Variants in DNHD1 observed in about 807,000 individuals in gnomAD.
DNHD1 encodes the protein dynein heavy chain domain-containing protein 1.
In DNHD1, 383 loss-of-function variants were observed where a neutral mutation model predicts 458.1. The observed-to-expected ratio is 0.84, with a 90% CI of 0.77 to 0.91. The LOEUF is 0.91. DNHD1 is among the 40% of genes least tolerant of loss of function. DNHD1 has a pLI of 0.00. For missense variants in DNHD1, 5,336 were observed against 5,866.1 expected (o/e 0.91, Z 2.95); for synonymous variants, 2,203 against 2,376.9 (o/e 0.93, Z 2.13).
chr11:6,566,387 GA>G lies in DNHD1; in HGVS notation c.11205del (p.Val3736CysfsTer2), dbSNP rs1326603861. 3.2e-6 allele frequency: 5 copies of G among 1,559,054 alleles called. No individual in the cohort carries two copies. The highest frequency in any genetic ancestry group is 1.2e-5 in the South Asian group (1 of 84,400). ...CACCACCCTCTCCCTCTGTGCCATG[GA>G]AAAAGGTGAGGCCCAGAGGGCAAAT... Reference protein sequence around the residue: ...LSTTLSLCAMEKVLGCELLKG... With the variant: ...LSTTLSLCAMXKVLGCELLKG... On this transcript the variant is annotated frameshift_variant, in exon 34 of 43. Transcript: ENST00000254579. LOFTEE classifies it high-confidence loss of function.
chr11:6,539,301 T>A lies in DNHD1; in HGVS notation c.3408T>A (p.Asp1136Glu). The A allele has an allele frequency of 6.4e-7, 1 of 1,551,494 alleles. No homozygotes were observed. The highest frequency in any genetic ancestry group is 1.2e-5 in the South Asian group (1 of 84,044). Residue 1136 changes from aspartate to glutamate, a missense_variant, in exon 17 of 43, where the codon GAT becomes GAA. By Grantham distance (45) the Asp-to-Glu change is conservative. Around this residue, in one of 4 missense-constraint regions of DNHD1, gnomAD observed 3,932 missense variants for 4,365.6 expected, o/e 0.90. Coordinates refer to ENST00000254579, the MANE Select transcript of DNHD1 (RefSeq NM_144666.3). ...CTTATCCACTGCTGGAGTTTGCAGATCGAATCAACCAGGTGGGGCCCTCAG... is the reference window on the plus strand; with the variant it reads ...CTTATCCACTGCTGGAGTTTGCAGAACGAATCAACCAGGTGGGGCCCTCAG... Reference protein sequence around the residue: ...LLTYPLLEFADRINQVWQNEN... With the variant: ...LLTYPLLEFAERINQVWQNEN...
intron 16 of DNHD1, 41 bp downstream of exon 16, chr11:6,538,851 T>G (rs1277843132): frequency 1.4e-6 from 2 of 1,461,824 alleles, no homozygotes; most frequent in Admixed American, 2.4e-5. Flanking sequence ...AAGGGAAATA[T>G]GTGAGGTTAG....
At chr11:6,561,602 C>T (rs935415970) in intron 28 of DNHD1, among the ~76,000 whole-genome samples, 2 of 152,170 alleles carry the variant, frequency 1.3e-5, no homozygotes, top group African/African-American at 2.4e-5. Context: ...CTCCAAATAT[C>T]AAGAAAAACT....
chr11:6,545,012 G>T lies in DNHD1; in HGVS notation c.4073G>T (p.Arg1358Leu). 1 of 1,551,784 alleles carries T rather than the reference G, an allele frequency of 6.4e-7. No individual in the cohort carries two copies. Among genetic ancestry groups the T allele is most frequent in the Non-Finnish European group, 8.7e-7 (1 of 1,147,002 alleles). ...TATGGGGTGTGTGCTCACTTCCCCC[G>T]CCTCTTCTTCCTTAGTGACAGTGAG... is the stretch of plus-strand genomic sequence containing the variant. ...VLYGVCAHFP[R>L]LFFLSDSELV... is the part of the protein sequence containing the mutation. The change falls in exon 21 of 43, where the codon CGC (arginine) becomes CTC (leucine). Residue 1358 changes from arginine (R) to leucine (L), a missense_variant. Transcript: ENST00000254579. This position sits in a 1 kb window ranked among gnomAD's most constrained non-coding sequence, Gnocchi z 4.9.
chr11:6,563,280 C>A, intron 29 of DNHD1, 102 bp from the exon 30 acceptor site: 1 of 1,497,008 alleles, frequency 6.7e-7, no homozygotes, highest in Non-Finnish European at 9.1e-7. Context: ...TGGGGAGTGG[C>A]CTCTCATGGG....
chr11:6,523,318 G>A (rs886890336), intron 10 of DNHD1, among the ~76,000 whole-genome samples: 3 of 152,168 alleles, frequency 2.0e-5, no homozygotes, highest in African/African-American at 7.2e-5. Context: ...GGAGTATGAG[G>A]TATGAGCAGT....
In DNHD1 at chr11:6,528,978, T is replaced by A. The variant is rs1308665570; in HGVS notation, c.2204T>A (p.Met735Lys). 1 of 1,551,396 alleles carries A rather than the reference T, an allele frequency of 6.4e-7. No homozygotes were observed. The highest frequency in any genetic ancestry group is 8.7e-7 in the Non-Finnish European group (1 of 1,146,890). The change falls in exon 12 of 43, where the codon ATG (methionine) becomes AAG (lysine). Residue 735 changes from methionine to lysine, a missense_variant. Met to Lys is a moderately conservative substitution (Grantham distance 95, BLOSUM62 -1). Coordinates refer to ENST00000254579, the MANE Select transcript of DNHD1 (RefSeq NM_144666.3). ...QSWGPQKLED[M>K]RGGPIKNYVT... is the part of the protein sequence containing the mutation. ...TGGGGGCCTCAGAAGCTGGAAGACATGAGAGGTGGTCCCATCAAGAACTAC... is the reference window on the plus strand; with the variant it reads ...TGGGGGCCTCAGAAGCTGGAAGACAAGAGAGGTGGTCCCATCAAGAACTAC...
chr11:6,547,801 TTTC>T, intron 21 of DNHD1, 59 bp from the exon 22 acceptor site: 1 of 1,540,404 alleles, frequency 6.5e-7, no homozygotes, highest in Non-Finnish European at 8.8e-7. Context: ...ACCTTTTTTC[TTTC>T]TTTCACCTTC....
chr11:6,567,890 G>T lies in DNHD1; in HGVS notation c.12351+30G>T. Reference sequence around the variant, plus strand: ...GAACCTAGTTTCTTGGCCACAGAGTGACCAGGCTCCTGTGGGCTGGGGCAT... The same window carrying T: ...GAACCTAGTTTCTTGGCCACAGAGTTACCAGGCTCCTGTGGGCTGGGGCAT... On this transcript the variant is annotated intron_variant, in intron 36 of 42. Transcript: ENST00000254579. The T allele has an allele frequency of 1.9e-6, 3 of 1,577,484 alleles. No homozygotes were observed. The South Asian group carries it at 3.5e-5, about 18-fold the overall frequency.
rs1348908031 is a variant in DNHD1 at position 6,533,725 on chromosome 11, G to A, written c.2550G>A (p.Met850Ile). 6 of 1,551,272 alleles carry A rather than the reference G, an allele frequency of 3.9e-6. No individual in the cohort carries two copies. The change falls in exon 14 of 43, where the codon ATG becomes ATA. Residue 850 changes from methionine to isoleucine, a missense_variant. Met to Ile is a conservative substitution (Grantham distance 10, BLOSUM62 1). Transcript: ENST00000254579. ...NEQYVELEER[M>I]EYVRALHELI... Reference sequence around the variant, plus strand: ...AGTACGTCGAGCTGGAGGAGCGAATGGAATACGTACGGGCACTCCACGAAC... The same window carrying A: ...AGTACGTCGAGCTGGAGGAGCGAATAGAATACGTACGGGCACTCCACGAAC...
At chr11:6,521,080 T>G (rs781355305) in intron 10 of DNHD1, among the ~76,000 whole-genome samples, 20 of 152,228 alleles carry the variant, frequency 1.3e-4, no homozygotes, top group Non-Finnish European at 2.5e-4. Context: ...CTATTGATAT[T>G]TGTTTTACAT....
At position 6,567,314 on chromosome 11, in the gene DNHD1, T is replaced by C. The variant is rs1853728860; in HGVS notation, c.11805T>C (p.Gly3935=). The C allele has an allele frequency of 6.2e-7, 1 of 1,614,046 alleles. No individual in the cohort carries two copies. Among genetic ancestry groups the C allele is most frequent in the African/African-American group, 1.3e-5 (1 of 75,058 alleles). ...ALGLTQVPLV[G]ALGALALLQA... Reference sequence around the variant, plus strand: ...GCCTTACCCAAGTACCCTTGGTGGGTGCATTGGGCGCTTTGGCTCTGCTGC... The same window carrying C: ...GCCTTACCCAAGTACCCTTGGTGGGCGCATTGGGCGCTTTGGCTCTGCTGC... Residue 3935 remains glycine, a synonymous_variant, in exon 36 of 43, where the codon GGT becomes GGC. Transcript: ENST00000254579.
chr11:6,524,472 TA>T (rs1187630595), intron 10 of DNHD1, among the ~76,000 whole-genome samples: 1 of 152,206 alleles, frequency 6.6e-6, no homozygotes, highest in Non-Finnish European at 1.5e-5. Context: ...TCAAATAACT[TA>T]AACTTTTTAT....
At chr11:6,569,124 G>A (rs544992861) in intron 39 of DNHD1, among the ~76,000 whole-genome samples, 5 of 152,300 alleles carry the variant, frequency 3.3e-5, no homozygotes, top group Admixed American at 1.3e-4. Context: ...ACTTGAGTGT[G>A]GTTGACGTGG....
At chr11:6,540,147 T>C (rs1589882308) in intron 18 of DNHD1, 64 bp downstream of exon 18, 1 of 1,399,694 alleles carries the variant, frequency 7.1e-7, no homozygotes, top group East Asian at 2.5e-5. Flanking sequence ...ATCCACCATA[T>C]CCATCAAGGC....
At chr11:6,502,564 G>A (rs1852159258) in intron 3 of DNHD1, among the ~76,000 whole-genome samples, 189 bp from the exon 4 acceptor site, 1 of 152,168 alleles carries the variant, frequency 6.6e-6, no homozygotes, top group Non-Finnish European at 1.5e-5. Flanking sequence ...TGTGTTCTAT[G>A]ATACGCTATA....
rs1412125332 is a variant in DNHD1 at position 6,497,830 on chromosome 11, A to AC, written c.-380dup. ...CTCTCTTCCCTTGCCTTGCCTCCTA[A>AC]CCCCCCTAGGCCAGGTGAGGGGGAC... On this transcript the variant is annotated 5_prime_UTR_variant, in exon 3 of 43. An upstream open reading frame in the 5' UTR gains an earlier in-frame stop. Coordinates refer to ENST00000254579, the MANE Select transcript of DNHD1 (RefSeq NM_144666.3). 4 of 208,488 alleles carry AC rather than the reference A, an allele frequency of 1.9e-5. No individual in the cohort carries two copies. Among genetic ancestry groups the AC allele is most frequent in the East Asian group, 2.4e-4 (2 of 8,174 alleles). 12.9% of individuals were successfully genotyped at this position (208,488 alleles called of 1,614,324 possible). A position where few individuals can be genotyped will look rare whatever the true frequency, so the allele number is the denominator to read the frequency against.
chr11:6,570,340 G>A lies in DNHD1; in HGVS notation c.13049G>A (p.Ser4350Asn), dbSNP rs1038344665. ...TQACLSPSSG[S>N]WVQPHTPQSL... ...GCCTGCCTGAGCCCCAGTAGTGGGA[G>A]CTGGGTCCAGCCACACACACCTCAG... The change falls in exon 41 of 43, where the codon AGC becomes AAC. Residue 4350 changes from serine to asparagine, a missense_variant. Ser to Asn is a conservative substitution (Grantham distance 46, BLOSUM62 1). Coordinates refer to ENST00000254579, the MANE Select transcript of DNHD1 (RefSeq NM_144666.3). 2.5e-6 allele frequency: 4 copies of A among 1,612,396 alleles called. No individual in the cohort carries two copies. Among genetic ancestry groups the A allele is most frequent in the Non-Finnish European group, 3.4e-6 (4 of 1,179,294 alleles).
intron 24 of DNHD1, among the ~76,000 whole-genome samples, chr11:6,551,693 G>A (rs565599098): frequency 3.3e-4 from 50 of 151,998 alleles, no homozygotes; most frequent in Middle Eastern, 3.4e-3. Flanking sequence ...CTGTAATCCC[G>A]GCACTTTGGG....
Sources: allele counts gnomAD v4.1 joint callset (sites outside exome capture counted in the v4.1 genomes callset), GRCh38; gene constraint gnomAD v4.1.1; regional missense constraint gnomAD v4.1.1; non-coding constraint Gnocchi (gnomAD v3.1); transcripts MANE v1.5; gene names NCBI Gene and HGNC (gene_info 2026-07-23, HGNC 2026-07-21).